The following B3GALT1 variants were observed in gnomAD, a reference collection of about 807,000 sequenced individuals.
The protein encoded by B3GALT1 is UDP-Gal:betaGlcNAc beta 1,3-galactosyltransferase, polypeptide 1.
Under a neutral mutation model 23.2 loss-of-function variants are expected in B3GALT1, and 10 were observed. The ratio of observed to expected loss-of-function variants is 0.43; its 90% CI spans 0.27 to 0.73. B3GALT1 has a LOEUF of 0.73. Among genes scored for constraint, B3GALT1 ranks in the 30% least tolerant of loss-of-function variants. The probability of loss-of-function intolerance (pLI) is 0.21; values close to 1 mark genes in which losing one functional copy is unlikely to be tolerated. For missense variants in B3GALT1, 299 were observed against 405.4 expected, an observed-to-expected ratio of 0.74 and a Z score of 2.25; for synonymous variants, 156 against 141.5, an observed-to-expected ratio of 1.10 and a Z score of -0.73.
chr2:167,852,247 A>G (rs927400487), intron 4 of B3GALT1, among the ~76,000 whole-genome samples: 5 of 152,136 alleles, frequency 3.3e-5, no homozygotes, highest in Non-Finnish European at 7.4e-5. Flanking sequence ...CCACTTTATC[A>G]CTTCTTAGAG....
intron 3 of B3GALT1, among the ~76,000 whole-genome samples, chr2:167,664,942 A>G: frequency 6.7e-6 from 1 of 150,350 alleles, no homozygotes; most frequent in East Asian, 2.0e-4. Context: ...TTCCTAATTG[A>G]ATACCCTTTA....
At chr2:167,499,149 TCAA>T (rs1699815026) in intron 2 of B3GALT1, among the ~76,000 whole-genome samples, 1 of 152,194 alleles carries the variant, frequency 6.6e-6, no homozygotes, top group South Asian at 2.1e-4. Flanking sequence ...TTTTTCTTTC[TCAA>T]CTCCACAATT....
intron 1 of B3GALT1, among the ~76,000 whole-genome samples, chr2:167,461,399 A>G (rs1699257084): frequency 6.6e-6 from 1 of 152,168 alleles, no homozygotes; most frequent in South Asian, 2.1e-4. Flanking sequence ...AGATTCTGCC[A>G]GTGCAATTGT....
intron 2 of B3GALT1, among the ~76,000 whole-genome samples, chr2:167,588,945 C>T (rs1684627025): frequency 7.0e-6 from 1 of 142,186 alleles, no homozygotes; most frequent in Non-Finnish European, 1.6e-5. Flanking sequence ...CTTCCTTCTT[C>T]CCTCCTTGTT....
chr2:167,336,034 G>A (rs1240047774), intron 1 of B3GALT1, among the ~76,000 whole-genome samples: 1 of 151,964 alleles, frequency 6.6e-6, no homozygotes, highest in African/African-American at 2.4e-5. Context: ...TATTTTGCAT[G>A]CATTATTGCT....
intron 1 of B3GALT1, among the ~76,000 whole-genome samples, chr2:167,348,963 G>A (rs1697266260): frequency 6.6e-6 from 1 of 152,130 alleles, no homozygotes; most frequent in Admixed American, 6.6e-5. Flanking sequence ...GTAGTGAGCA[G>A]AGGATTTTGC....
intron 2 of B3GALT1, among the ~76,000 whole-genome samples, chr2:167,563,773 C>CGGG (rs1187217953): frequency 0.47 from 58 of 124 alleles, 29 homozygotes; most frequent in Admixed American, 0.6. Flanking sequence ...GGCGGCTGGA[C>CGGG]TCGGGGCTGA....
At chr2:167,714,489 G>C (rs1254496046) in intron 3 of B3GALT1, 42 of 1,607,228 alleles carry the variant, frequency 2.6e-5, no homozygotes, top group Non-Finnish European at 3.6e-5. Flanking sequence ...GATGAAGGCT[G>C]ACCCAACGGT....
rs543258562 is a variant in B3GALT1 at position 167,820,766 on chromosome 2, C to CTGAT, written c.-230+1975_-230+1978dup. ...TTAAGACAAAAAGCGTTAAGCTTCG[C>CTGAT]TGATTTGTAAAATTGAAAGATAGCC... On this transcript the variant is annotated intron_variant, in intron 4 of 4. Transcript: ENST00000392690. Among the ~76,000 whole-genome samples the CTGAT allele has an allele frequency of 1.6e-3, 238 of 152,336 alleles. 1 individual carries two copies. The highest frequency in any genetic ancestry group is 4.9e-3 in the African/African-American group (202 of 41,588).
rs575380451 is a variant in B3GALT1 at position 167,604,951 on chromosome 2, T to C, written c.-409-41958T>C. Among the ~76,000 whole-genome samples the C allele has an allele frequency of 2.6e-5, 4 of 152,364 alleles. No homozygotes were observed. In the South Asian group the frequency reaches 8.3e-4, roughly 32 times the overall value. ...AATATATTCTCTGTCCTGCTTTTTA[T>C]AGTCATTTAAGAACTCACAAGAGGT... is the stretch of plus-strand genomic sequence containing the variant. On this transcript the variant is annotated intron_variant, in intron 2 of 4. Coordinates refer to ENST00000392690, the MANE Select transcript of B3GALT1 (RefSeq NM_020981.4).
intron 1 of B3GALT1, among the ~76,000 whole-genome samples, chr2:167,485,296 AAAG>A (rs1699610562): frequency 6.6e-6 from 1 of 152,286 alleles, no homozygotes; most frequent in Admixed American, 6.5e-5. Context: ...GTTTTGAAAA[AAAG>A]ATTATTTGAA....
intron 3 of B3GALT1, among the ~76,000 whole-genome samples, chr2:167,678,424 C>T (rs1028047939): frequency 6.6e-6 from 1 of 152,090 alleles, no homozygotes; most frequent in African/African-American, 2.4e-5. Flanking sequence ...GAAGTGGGAG[C>T]ATCACAATCC....
intron 2 of B3GALT1, among the ~76,000 whole-genome samples, chr2:167,532,519 T>C (rs1361416117): frequency 3.3e-5 from 5 of 152,090 alleles, no homozygotes; most frequent in African/African-American, 9.7e-5. Context: ...TTCATATATT[T>C]CTTTACTTCA....
intron 2 of B3GALT1, among the ~76,000 whole-genome samples, chr2:167,565,208 C>T (rs190781956): frequency 6.6e-6 from 1 of 152,130 alleles, no homozygotes; most frequent in Non-Finnish European, 1.5e-5. Context: ...TGCTGCATAT[C>T]TACAACTATC....
chr2:167,622,882 G>A (rs902043133), intron 2 of B3GALT1, among the ~76,000 whole-genome samples: 8 of 151,914 alleles, frequency 5.3e-5, no homozygotes, highest in Non-Finnish European at 8.8e-5. Flanking sequence ...TGCATCACCC[G>A]TTAGATTAGT....
chr2:167,508,258 A>ATT (rs71031292), intron 2 of B3GALT1, among the ~76,000 whole-genome samples: 4 of 135,164 alleles, frequency 3.0e-5, no homozygotes, highest in Non-Finnish European at 4.7e-5. Context: ...ATTTTTATTA[A>ATT]TTTTTTTTTT....
intron 4 of B3GALT1, among the ~76,000 whole-genome samples, chr2:167,855,793 C>G (rs1689989953): frequency 6.6e-6 from 1 of 152,130 alleles, no homozygotes; most frequent in Non-Finnish European, 1.5e-5. Context: ...AATTCTACTT[C>G]TACCAAACTT....
At chr2:167,398,148 GT>G (rs1334836302) in intron 1 of B3GALT1, among the ~76,000 whole-genome samples, 1 of 151,964 alleles carries the variant, frequency 6.6e-6, no homozygotes, top group Non-Finnish European at 1.5e-5. Context: ...CTTGAACAAA[GT>G]TTTTGTTTCA....
intron 3 of B3GALT1, among the ~76,000 whole-genome samples, chr2:167,776,668 C>T (rs1432906283): frequency 6.6e-6 from 1 of 152,188 alleles, no homozygotes; most frequent in Non-Finnish European, 1.5e-5. Context: ...TAAGAATTTA[C>T]TTTCATGGGC....
Sources: gnomAD v4.1 joint callset for allele counts (sites outside exome capture counted in the v4.1 genomes callset) on GRCh38, gnomAD v4.1.1 for gene constraint, MANE v1.5 for transcripts, NCBI Gene and HGNC (gene_info 2026-07-23, HGNC 2026-07-21) for gene names.